CTNNA3: variants seen among roughly 807,000 people sequenced by gnomAD.
CTNNA3 encodes catenin alpha 3.
In CTNNA3, 76 loss-of-function variants were observed where a neutral mutation model predicts 95.7. The ratio of observed to expected loss-of-function variants is 0.79; its 90% CI spans 0.66 to 0.96. The LOEUF is 0.96. Ranked by LOEUF, CTNNA3 falls within the 40% of genes least tolerant of loss-of-function variation. The pLI is 0.00. For synonymous variants in CTNNA3, 431 were observed against 374.4 expected, an observed-to-expected ratio of 1.15 and a Z score of -1.74; for missense variants, 1,191 against 1,089.8, an observed-to-expected ratio of 1.09 and a Z score of -1.31.
intron 7 of CTNNA3, among the ~76,000 whole-genome samples, chr10:67,105,872 G>A (rs1242456469): frequency 6.6e-6 from 1 of 152,148 alleles, no homozygotes; most frequent in Non-Finnish European, 1.5e-5. Flanking sequence ...ATATTATCTG[G>A]AGAAAAGACT....
rs548337773 is a variant in CTNNA3, at chr10:67,726,191, TATATA to T, written c.-2+37238_-2+37242del. Among the ~76,000 whole-genome samples the T allele has an allele frequency of 4.4e-3, 476 of 107,394 alleles. 3 individuals are homozygous for T. Among genetic ancestry groups the T allele is most frequent in the Non-Finnish European group, 6.1e-3 (365 of 60,282 alleles). The allele number at this position is 107,394 out of a possible 152,430, so 70.5% of individuals were successfully genotyped here. On this transcript the variant is annotated intron_variant, in intron 1 of 17. Coordinates refer to the CTNNA3 transcript ENST00000684154. ...TATATAATAATATATATTATTATAA[TATATA>T]ATATATCATATATTATACATAATAC...
intron 1 of CTNNA3, among the ~76,000 whole-genome samples, chr10:67,751,440 G>A (rs1387419266): frequency 2.0e-5 from 3 of 152,116 alleles, no homozygotes; most frequent in African/African-American, 7.2e-5. Flanking sequence ...GCTTGAATAA[G>A]CAAATGACAG....
At chr10:67,308,487 T>C (rs1161178817) in intron 5 of CTNNA3, among the ~76,000 whole-genome samples, 1 of 152,220 alleles carries the variant, frequency 6.6e-6, no homozygotes, top group Non-Finnish European at 1.5e-5. Context: ...TGTGGAACTG[T>C]GAGTCCATTA....
At chr10:66,492,312 C>G (rs1839951540) in intron 11 of CTNNA3, among the ~76,000 whole-genome samples, 4 of 152,114 alleles carry the variant, frequency 2.6e-5, no homozygotes, top group Admixed American at 2.0e-4. Context: ...GAGACAATGT[C>G]TCACTCTGTC....
At chr10:66,486,008 T>A (rs1839713398) in intron 11 of CTNNA3, among the ~76,000 whole-genome samples, 2 of 152,120 alleles carry the variant, frequency 1.3e-5, no homozygotes, top group South Asian at 2.1e-4. Context: ...ATGGCACTGA[T>A]AAAACTGCAG....
chr10:66,106,717 C>T (rs1164902085), intron 13 of CTNNA3, among the ~76,000 whole-genome samples: 3 of 152,206 alleles, frequency 2.0e-5, no homozygotes, highest in East Asian at 3.9e-4. Flanking sequence ...TCCCAATATA[C>T]ACCTTTATAT....
intron 5 of CTNNA3, among the ~76,000 whole-genome samples, chr10:67,405,107 A>T (rs1477052439): frequency 6.6e-6 from 1 of 152,152 alleles, no homozygotes. Context: ...ACAAAAATAC[A>T]CTGAAGTATA....
chr10:66,470,853 TA>T (rs372602030), intron 11 of CTNNA3, among the ~76,000 whole-genome samples: 1 of 151,650 alleles, frequency 6.6e-6, no homozygotes, highest in Non-Finnish European at 1.5e-5. Context: ...CTGCATGAGG[TA>T]AAAAAATATG....
chr10:67,185,811 G>T (rs188898847), intron 6 of CTNNA3, among the ~76,000 whole-genome samples: 1 of 152,120 alleles, frequency 6.6e-6, no homozygotes, highest in African/African-American at 2.4e-5. Flanking sequence ...CACAAGGTTA[G>T]GAGTTCAAGA....
Position 67,173,426 on chromosome 10 carries a change from C to G in CTNNA3, c.1047+6891G>C, listed in dbSNP as rs927840903. Among the ~76,000 whole-genome samples the G allele has an allele frequency of 5.3e-5, 8 of 152,312 alleles. No homozygotes were observed. The East Asian group carries it at 1.5e-3, about 29-fold the overall frequency. On this transcript the variant is annotated intron_variant, in intron 7 of 17. Coordinates refer to ENST00000433211, the MANE Select transcript of CTNNA3 (RefSeq NM_013266.4). ...GAAAGGCCATCCCAGCTCCAACACT[C>G]CCCATAGGACAGCTAAGATTTCCAT...
chr10:67,596,157 G>A (rs1009021000), intron 3 of CTNNA3, among the ~76,000 whole-genome samples: 3 of 152,138 alleles, frequency 2.0e-5, no homozygotes, highest in Non-Finnish European at 2.9e-5. Context: ...GTGCAGATTT[G>A]ATCCTGCCAT....
intron 5 of CTNNA3, among the ~76,000 whole-genome samples, chr10:67,366,627 G>A (rs558535372): frequency 6.6e-6 from 1 of 151,420 alleles, no homozygotes; most frequent in East Asian, 2.0e-4. Context: ...GGTGACAAGA[G>A]CAAAACTTCG....
In CTNNA3 at chr10:65,919,888, T is replaced by A. The variant is rs1428969539; in HGVS notation, c.*442A>T. The A allele has an allele frequency of 6.3e-6, 1 of 158,520 alleles. No homozygotes were observed. The highest frequency in any genetic ancestry group is 2.4e-5 in the African/African-American group (1 of 41,476). 9.8% of individuals were successfully genotyped at this position (158,520 alleles called of 1,614,324 possible). ...AGATCAGATAAAGAAAGCATGGAGATTAAATGGGAAAATATTTTATAAAAG... is the reference window on the plus strand; with the variant it reads ...AGATCAGATAAAGAAAGCATGGAGAATAAATGGGAAAATATTTTATAAAAG... On this transcript the variant is annotated 3_prime_UTR_variant, in exon 18 of 18. Transcript: ENST00000433211.
intron 5 of CTNNA3, among the ~76,000 whole-genome samples, chr10:67,454,681 C>T (rs990324931): frequency 8.6e-5 from 13 of 151,912 alleles, no homozygotes; most frequent in Admixed American, 7.9e-4. Flanking sequence ...TCATTTCTAA[C>T]GATGTTCAAC....
At chr10:66,914,263 T>C (rs1846371985) in intron 7 of CTNNA3, among the ~76,000 whole-genome samples, 5 of 151,748 alleles carry the variant, frequency 3.3e-5, no homozygotes. Flanking sequence ...CCCCAGTAGC[T>C]GGGACTACAG....
chr10:67,257,969 A>G (rs1866430419), intron 5 of CTNNA3, among the ~76,000 whole-genome samples: 1 of 152,176 alleles, frequency 6.6e-6, no homozygotes, highest in Admixed American at 6.5e-5. Flanking sequence ...AGAGTTCATG[A>G]AATCATTTAT....
chr10:65,924,110 G>A (rs2077129446), intron 17 of CTNNA3, among the ~76,000 whole-genome samples: 1 of 152,082 alleles, frequency 6.6e-6, no homozygotes, highest in African/African-American at 2.4e-5. Context: ...GTTGACTTAA[G>A]GCAAATGCTT....
chr10:66,248,596 A>C (rs1789531501), intron 13 of CTNNA3, among the ~76,000 whole-genome samples: 1 of 152,174 alleles, frequency 6.6e-6, no homozygotes, highest in African/African-American at 2.4e-5. Context: ...GAGTTGCTAT[A>C]CTTATATGAG....
At chr10:67,172,684 G>A (rs1294477515) in intron 7 of CTNNA3, among the ~76,000 whole-genome samples, 3 of 151,948 alleles carry the variant, frequency 2.0e-5, no homozygotes, top group Admixed American at 6.6e-5. Context: ...CAGAAGTAAC[G>A]CAGTTTTGGC....
Sources: allele counts gnomAD v4.1 joint callset (sites outside exome capture counted in the v4.1 genomes callset), GRCh38; gene constraint gnomAD v4.1.1; transcripts MANE v1.5; gene names NCBI Gene and HGNC (gene_info 2026-07-23, HGNC 2026-07-21).